Variants in CACNA1C observed in about 807,000 individuals in gnomAD.
CACNA1C encodes the protein calcium voltage-gated channel subunit alpha1 C.
In CACNA1C, 30 loss-of-function variants were observed where a neutral mutation model predicts 229.0. The observed-to-expected ratio is 0.13, with a 90% confidence interval of 0.10 to 0.18. The LOEUF (loss-of-function observed/expected upper bound fraction) is 0.18, where lower values mean the gene tolerates loss of function less well. CACNA1C is among the 10% of genes least tolerant of loss of function. The probability of loss-of-function intolerance (pLI) is 1.00; values close to 1 mark genes in which losing one functional copy is unlikely to be tolerated. For missense variants in CACNA1C, 1,658 were observed against 2,845.0 expected (o/e 0.58, Z 9.49); for synonymous variants, 1,114 against 1,132.5 (o/e 0.98, Z 0.33).
Position 2,593,227 on chromosome 12 carries a change from G to A in CACNA1C, c.2545G>A (p.Glu849Lys), listed in dbSNP as rs370446470. ...TCTTCTTACAGGAGAAGAGGATGAG[G>A]AGGAGCCAGAGATGCCTGTCGGCCC... ...NPETTGEEDE[E>K]EPEMPVGPRP... The change falls in exon 19 of 47, where the codon GAG (glutamate) becomes AAG (lysine). Residue 849 changes from glutamate (E) to lysine (K), a missense_variant. Transcript: ENST00000399655. 8.7e-6 allele frequency: 14 copies of A among 1,613,306 alleles called. No individual in the cohort carries two copies. Among genetic ancestry groups the A allele is most frequent in the Non-Finnish European group, 1.2e-5 (14 of 1,179,712 alleles).
chr12:2,218,895 G>C (rs1404574755), intron 3 of CACNA1C, among the ~76,000 whole-genome samples: 15 of 152,156 alleles, frequency 9.9e-5, no homozygotes, highest in Non-Finnish European at 1.6e-4. Context: ...GAGTGTCACT[G>C]TATGCGTTGA....
chr12:2,191,017 C>A (rs1212539653), intron 3 of CACNA1C, among the ~76,000 whole-genome samples: 2 of 152,130 alleles, frequency 1.3e-5, no homozygotes, highest in Non-Finnish European at 2.9e-5. Flanking sequence ...CTGCCTTGTC[C>A]AGGGATACTG....
At chr12:2,161,110 G>A (rs1018059031) in intron 3 of CACNA1C, among the ~76,000 whole-genome samples, 3 of 152,240 alleles carry the variant, frequency 2.0e-5, no homozygotes, top group African/African-American at 4.8e-5. Context: ...GTGAGCCACC[G>A]CACCCGGCTA....
intron 29 of CACNA1C, among the ~76,000 whole-genome samples, chr12:2,615,824 G>A (rs765748131): frequency 2.0e-5 from 3 of 152,220 alleles, no homozygotes; most frequent in African/African-American, 4.8e-5. Flanking sequence ...AGGGTACTGG[G>A]GGGGAGGAGC....
intron 3 of CACNA1C, among the ~76,000 whole-genome samples, chr12:2,321,729 G>A (rs1402794241): frequency 6.6e-6 from 1 of 152,190 alleles, no homozygotes; most frequent in Non-Finnish European, 1.5e-5. Context: ...TTTGAGCCGA[G>A]ACTTGAATGA....
chr12:2,336,040 AC>A (rs1487626747), intron 3 of CACNA1C, among the ~76,000 whole-genome samples: 129 of 148,472 alleles, frequency 8.7e-4, no homozygotes, highest in Middle Eastern at 3.5e-3. Flanking sequence ...AAAAAAAAAA[AC>A]AAACCCTAAG....
At chr12:1,976,547 T>G (rs1356384432) in intron 1 of CACNA1C, among the ~76,000 whole-genome samples, 1 of 152,202 alleles carries the variant, frequency 6.6e-6, no homozygotes, top group Non-Finnish European at 1.5e-5. Context: ...ATGATGTGAA[T>G]GAGTCTACTT....
chr12:2,532,297 C>G (rs2099842893), intron 9 of CACNA1C, among the ~76,000 whole-genome samples: 1 of 152,176 alleles, frequency 6.6e-6, no homozygotes, highest in African/African-American at 2.4e-5. Context: ...GCCTCTGGCC[C>G]AGGCAGGCAT....
At chr12:1,997,665 T>C (rs2041259328) in intron 1 of CACNA1C, among the ~76,000 whole-genome samples, 1 of 152,260 alleles carries the variant, frequency 6.6e-6, no homozygotes, top group South Asian at 2.1e-4. Context: ...TCAAAGAATA[T>C]TTAATCTATT....
At chr12:2,668,899 C>T (rs2153728662) in intron 37 of CACNA1C, 34 bp from the exon 38 acceptor site, 2 of 1,453,960 alleles carry the variant, frequency 1.4e-6, no homozygotes, top group East Asian at 4.5e-5. Context: ...CACCGCCTGC[C>T]ATCATCACCA....
At chr12:2,038,237 G>A (rs12321922) in intron 1 of CACNA1C, among the ~76,000 whole-genome samples, 18,899 of 152,136 alleles carry the variant, frequency 0.12, 1,291 homozygotes, top group African/African-American at 0.17. Flanking sequence ...CTAAAATAGG[G>A]TACTTAATGA....
chr12:2,384,135 G>A lies in CACNA1C; in HGVS notation c.478-64841G>A, dbSNP rs906147462. ...TGTGGATCACACACCACCCAGGTTA[G>A]CAGCAGTGCCACCAGAAACACTGTT... On this transcript the variant is annotated intron_variant, in intron 3 of 46. Coordinates refer to ENST00000399655, the MANE Select transcript of CACNA1C (RefSeq NM_000719.7). Among the ~76,000 whole-genome samples, 8 of 152,366 alleles carry A rather than the reference G, an allele frequency of 5.3e-5. No individual in the cohort carries two copies. The South Asian group carries it at 6.2e-4, about 12-fold the overall frequency.
intron 5 of CACNA1C, among the ~76,000 whole-genome samples, chr12:2,460,259 T>A (rs753230554): frequency 9.2e-5 from 14 of 152,240 alleles, no homozygotes; most frequent in Admixed American, 3.9e-4. Context: ...GGCTTCTGTC[T>A]TAGCTGTTCA....
intron 5 of CACNA1C, among the ~76,000 whole-genome samples, chr12:2,475,424 A>G (rs1040271198): frequency 3.3e-5 from 5 of 152,276 alleles, no homozygotes; most frequent in Admixed American, 2.0e-4. Context: ...ATAGACCCAC[A>G]GGGAATTGAG....
At chr12:2,520,908 A>G (rs2099808413) in intron 9 of CACNA1C, among the ~76,000 whole-genome samples, 1 of 152,284 alleles carries the variant, frequency 6.6e-6, no homozygotes. Context: ...CAGCCACATA[A>G]CATTTTGACA....
At chr12:2,572,409 C>T (rs2055568388) in intron 13 of CACNA1C, among the ~76,000 whole-genome samples, 3 of 82,696 alleles carry the variant, frequency 3.6e-5, no homozygotes, top group East Asian at 4.4e-4. Context: ...TCTTCCTCCT[C>T]CTCCTGTTCC....
At chr12:2,183,070 A>G (rs932105458) in intron 3 of CACNA1C, among the ~76,000 whole-genome samples, 2 of 152,114 alleles carry the variant, frequency 1.3e-5, no homozygotes, top group Non-Finnish European at 2.9e-5. Context: ...ATGGGGTCTC[A>G]CTATGTTGAC....
At chr12:2,442,688 C>T (rs2099240791) in intron 3 of CACNA1C, among the ~76,000 whole-genome samples, 1 of 152,154 alleles carries the variant, frequency 6.6e-6, no homozygotes, top group African/African-American at 2.4e-5. Context: ...GTGGGCTGTA[C>T]AGGAAGCATA....
chr12:2,420,017 G>A (rs552942246), intron 3 of CACNA1C, among the ~76,000 whole-genome samples: 4 of 151,930 alleles, frequency 2.6e-5, no homozygotes, highest in East Asian at 3.9e-4. Context: ...CAAGCTTTTC[G>A]TAATGGGGTC....
Sources: allele counts gnomAD v4.1 joint callset (sites outside exome capture counted in the v4.1 genomes callset), GRCh38; gene constraint gnomAD v4.1.1; transcripts MANE v1.5; gene names NCBI Gene and HGNC (gene_info 2026-07-23, HGNC 2026-07-21).